Variants in TCP11L2 observed in about 807,000 individuals in gnomAD.
TCP11L2 encodes T-complex protein 11-like protein 2.
A neutral mutation model predicts 50.7 loss-of-function variants in TCP11L2; 39 were observed. The ratio of observed to expected loss-of-function variants is 0.77; its 90% CI spans 0.60 to 1.01. The LOEUF is 1.01. Among genes scored for constraint, TCP11L2 ranks in the 50% least tolerant of loss-of-function variants. The pLI is 0.00. For missense variants in TCP11L2, 612 were observed against 614.7 expected (o/e 1.00, Z 0.05); for synonymous variants, 192 against 219.3 (o/e 0.88, Z 1.10).
chr12:106,337,442 C>A (rs746510008), intron 8 of TCP11L2, among the ~76,000 whole-genome samples: 9 of 152,172 alleles, frequency 5.9e-5, no homozygotes, highest in Non-Finnish European at 1.2e-4. Context: ...ATTCCAGGAC[C>A]AAGACCTATA....
In TCP11L2 at chr12:106,336,056, C is replaced by T; in HGVS notation, c.985C>T (p.Leu329Phe). ...PETLMTDGAR[L>F]QELTEKLNQL... is the part of the protein sequence containing the mutation. ...GACACTTATGACAGATGGAGCACGT[C>T]TTCAGGAACTAACAGAAAAGCTGAA... The change falls in exon 8 of 10, where the codon CTT (leucine) becomes TTT (phenylalanine). Residue 329 changes from leucine (L) to phenylalanine (F), a missense_variant. Physicochemically the swap from Leu to Phe is conservative, Grantham distance 22. Coordinates refer to ENST00000299045, the MANE Select transcript of TCP11L2 (RefSeq NM_152772.3). The T allele has an allele frequency of 6.2e-7, 1 of 1,613,298 alleles. No homozygotes were observed. Among genetic ancestry groups the T allele is most frequent in the Non-Finnish European group, 8.5e-7 (1 of 1,179,716 alleles).
At chr12:106,303,752 G>A (rs560408099) in intron 1 of TCP11L2, 1 of 152,316 alleles carries the variant, frequency 6.6e-6, no homozygotes, top group African/African-American at 2.4e-5. Flanking sequence ...CACAATGATA[G>A]AGTTTCCTTT....
intron 6 of TCP11L2, among the ~76,000 whole-genome samples, chr12:106,334,588 T>G (rs920802806): frequency 6.6e-6 from 1 of 152,206 alleles, no homozygotes; most frequent in Non-Finnish European, 1.5e-5. Context: ...ACTAATTCAG[T>G]CTTTCTTTCC....
Position 106,321,706 on chromosome 12 carries a change from G to A in TCP11L2, c.635G>A (p.Arg212Lys). The A allele has an allele frequency of 6.2e-7, 1 of 1,613,564 alleles. No homozygotes were observed. ...ACTGGCAACATCGTGGAGGTGCTGA[G>A]GTTAGCACTTTTGCTGTTTGCATTT... ...KATGNIVEVL[R>K]QIFHVLDLMQ... The change falls in exon 5 of 10, where the codon AGA becomes AAA. Residue 212 changes from arginine (R) to lysine (K), a missense_variant and splice_region_variant. Physicochemically the swap from Arg to Lys is conservative, Grantham distance 26. Transcript: ENST00000299045.
At chr12:106,338,748 C>T (rs1008533003) in intron 8 of TCP11L2, among the ~76,000 whole-genome samples, 1 of 152,248 alleles carries the variant, frequency 6.6e-6, no homozygotes, top group Non-Finnish European at 1.5e-5. Context: ...AAACTGCTTT[C>T]CACAGTGGCT....
intron 6 of TCP11L2, chr12:106,329,547 C>A: frequency 7.0e-7 from 1 of 1,430,628 alleles, no homozygotes; most frequent in Non-Finnish European, 9.1e-7. Flanking sequence ...GAGGCCTGAG[C>A]CCTGCCTCAG....
At chr12:106,326,325 CAAG>C (rs1254159528) in intron 6 of TCP11L2, among the ~76,000 whole-genome samples, 1 of 152,114 alleles carries the variant, frequency 6.6e-6, no homozygotes, top group African/African-American at 2.4e-5. Context: ...TGCTTGGTAA[CAAG>C]GAGACTCAGG....
chr12:106,306,272 T>C (rs2034630228), intron 1 of TCP11L2, among the ~76,000 whole-genome samples: 1 of 152,266 alleles, frequency 6.6e-6, no homozygotes. Flanking sequence ...ACAGATAAAG[T>C]CGTGAGAATA....
At chr12:106,314,102 C>T (rs1197254442) in intron 2 of TCP11L2, among the ~76,000 whole-genome samples, 1 of 151,900 alleles carries the variant, frequency 6.6e-6, no homozygotes, top group Non-Finnish European at 1.5e-5. Flanking sequence ...TATAATGGGC[C>T]TATATTAATA....
At chr12:106,298,245 CA>C (rs921545698), upstream of TCP11L2, among the ~76,000 whole-genome samples, 13 of 150,196 alleles carry the variant, frequency 8.7e-5, no homozygotes, top group Admixed American at 2.0e-4. Flanking sequence ...GGATATAGAA[CA>C]AAAAAAAATT....
intron 6 of TCP11L2, among the ~76,000 whole-genome samples, chr12:106,335,300 C>G (rs1049099972): frequency 6.6e-6 from 1 of 152,152 alleles, no homozygotes; most frequent in African/African-American, 2.4e-5. Context: ...CCCTCTTACC[C>G]CTAGTTCTTT....
rs1041306346 is a variant in TCP11L2 at position 106,311,135 on chromosome 12, T to C, written c.60T>C (p.Ser20=). The C allele has an allele frequency of 1.2e-6, 2 of 1,614,222 alleles. No homozygotes were observed. ...AGGACCAGCCAAGCGATTCTGATTC[T>C]TCCCGGTTTTCCGAAAGCATGGCTT... ...VGEDQPSDSD[S]SRFSESMASL... The change falls in exon 2 of 10, where the codon TCT becomes TCC. Residue 20 remains serine (S), a synonymous_variant. Coordinates refer to ENST00000299045, the MANE Select transcript of TCP11L2 (RefSeq NM_152772.3).
chr12:106,308,865 C>T (rs1443358736), intron 1 of TCP11L2, among the ~76,000 whole-genome samples: 2 of 152,160 alleles, frequency 1.3e-5, no homozygotes, highest in Non-Finnish European at 2.9e-5. Flanking sequence ...TTAGCTGACA[C>T]TGAATGAATA....
At chr12:106,316,809 T>C (rs1175282410) in intron 3 of TCP11L2, among the ~76,000 whole-genome samples, 8 of 152,246 alleles carry the variant, frequency 5.3e-5, no homozygotes, top group Non-Finnish European at 1.0e-4. Flanking sequence ...ACATATTGGA[T>C]GTTTAATAAA....
intron 4 of TCP11L2, among the ~76,000 whole-genome samples, chr12:106,319,283 G>A (rs2035246056): frequency 6.6e-6 from 1 of 152,152 alleles, no homozygotes; most frequent in African/African-American, 2.4e-5. Context: ...CCTCCCAAAG[G>A]CCCCACCTTC....
At chr12:106,319,341 C>T (rs989431644) in intron 4 of TCP11L2, among the ~76,000 whole-genome samples, 2 of 152,188 alleles carry the variant, frequency 1.3e-5, no homozygotes, top group Non-Finnish European at 2.9e-5. Flanking sequence ...AATTTGGGGA[C>T]AGAGGAAAAC....
rs981269990 is a variant in TCP11L2 at position 106,336,205 on chromosome 12, G to A, written c.1134G>A (p.Met378Ile). 42 of 1,605,044 alleles carry A rather than the reference G, an allele frequency of 2.6e-5. No individual in the cohort carries two copies. The highest frequency in any genetic ancestry group is 3.4e-5 in the Non-Finnish European group (40 of 1,177,350). The change falls in exon 8 of 10, where the codon ATG becomes ATA. Residue 378 changes from methionine to isoleucine, a missense_variant. Transcript: ENST00000299045. ...TRISAVLLEG[M>I]NKETFNLKEV... is the part of the protein sequence containing the mutation. ...TTTCAGCTGTTCTACTTGAAGGCAT[G>A]AACAAAGAGTAAGTTCCAAATTTTT...
intron 5 of TCP11L2, among the ~76,000 whole-genome samples, chr12:106,322,247 G>C (rs2035367173): frequency 6.6e-6 from 1 of 152,100 alleles, no homozygotes; most frequent in African/African-American, 2.4e-5. Flanking sequence ...CCTGTGCTTG[G>C]CTCTACCCTT....
intron 1 of TCP11L2, among the ~76,000 whole-genome samples, chr12:106,306,568 C>T (rs935905350): frequency 2.0e-5 from 3 of 152,196 alleles, no homozygotes; most frequent in East Asian, 3.8e-4. Flanking sequence ...TCTAGGATCA[C>T]CTATTGCACT....
Sources: allele counts gnomAD v4.1 joint callset (sites outside exome capture counted in the v4.1 genomes callset), GRCh38; gene constraint gnomAD v4.1.1; transcripts MANE v1.5; gene names NCBI Gene and HGNC (gene_info 2026-07-23, HGNC 2026-07-21).